Variants in DNMBP observed in about 807,000 individuals in gnomAD.
DNMBP encodes the protein dynamin-binding protein.
Under a neutral mutation model 150.0 loss-of-function variants are expected in DNMBP, and 87 were observed. That is an observed-to-expected ratio of 0.58 (90% confidence interval 0.49 to 0.69). The LOEUF is 0.69. DNMBP is among the 30% of genes least tolerant of loss of function. DNMBP has a pLI of 0.00. For synonymous variants in DNMBP, 711 were observed against 750.4 expected (o/e 0.95, Z 0.86); for missense variants, 1,774 against 1,949.0 (o/e 0.91, Z 1.69).
intron 4 of DNMBP, among the ~76,000 whole-genome samples, chr10:99,920,478 G>A (rs952521498): frequency 1.3e-5 from 2 of 152,210 alleles, no homozygotes; most frequent in African/African-American, 4.8e-5. Flanking sequence ...GACTTTTGGG[G>A]ATATATGTGG....
rs117327299 is a variant in DNMBP, at chr10:99,913,698, T to C, written c.2261-4552A>G. Reference sequence around the variant, plus strand: ...GACACCCCCAGCCCTTTCCGGTTAGTACATTATCACCAGGCTCACTTCCTA... The same window carrying C: ...GACACCCCCAGCCCTTTCCGGTTAGCACATTATCACCAGGCTCACTTCCTA... On this transcript the variant is annotated intron_variant, in intron 4 of 16. Coordinates refer to ENST00000324109, the MANE Select transcript of DNMBP (RefSeq NM_015221.4). Among the ~76,000 whole-genome samples, 333 of 152,164 alleles carry C rather than the reference T, an allele frequency of 2.2e-3. 11 individuals carry two copies. In the East Asian group the frequency reaches 0.058, roughly 27 times the overall value.
intron 11 of DNMBP, among the ~76,000 whole-genome samples, chr10:99,890,943 G>A (rs962020627): frequency 2.0e-5 from 3 of 151,992 alleles, no homozygotes; most frequent in South Asian, 2.1e-4. Context: ...AACTGTGCCC[G>A]GCCCTAGTTA....
intron 4 of DNMBP, among the ~76,000 whole-genome samples, chr10:99,920,443 A>C (rs1255150426): frequency 6.6e-6 from 1 of 152,046 alleles, no homozygotes; most frequent in African/African-American, 2.4e-5. Flanking sequence ...AAGTCACTTC[A>C]TTCCCCTATC....
At position 99,879,969 on chromosome 10, in the gene DNMBP, T is replaced by A; in HGVS notation, c.4390A>T (p.Arg1464Trp). The A allele has an allele frequency of 6.2e-7, 1 of 1,614,230 alleles. No homozygotes were observed. Among genetic ancestry groups the A allele is most frequent in the Non-Finnish European group, 8.5e-7 (1 of 1,180,042 alleles). The stretch of plus-strand genomic sequence containing the variant: ...GGATGCCTGAAGTTCCGGTAGCTCC[T>A]CGGCGTGGCAGTGGGTTGCTTTACA... ...RDVKQPTATP[R>W]SYRNFRHPEI... is the part of the protein sequence containing the mutation. The change falls in exon 16 of 17, where the codon AGG becomes TGG. Residue 1464 changes from arginine to tryptophan, a missense_variant. Arg to Trp is a moderately radical substitution (Grantham distance 101). Coordinates refer to ENST00000324109, the MANE Select transcript of DNMBP (RefSeq NM_015221.4).
intron 1 of DNMBP, among the ~76,000 whole-genome samples, chr10:99,980,683 T>C (rs61873792): frequency 0.027 from 4,157 of 151,254 alleles, 75 homozygotes; most frequent in South Asian, 0.088. Flanking sequence ...CAGGTGCCTA[T>C]AGTCTCAGCT....
chr10:99,886,425 G>A lies in DNMBP; in HGVS notation c.3493C>T (p.Leu1165=), dbSNP rs1309591239. Residue 1165 remains leucine, a synonymous_variant, in exon 13 of 17, where the codon CTG becomes TTG. Coordinates refer to ENST00000324109, the MANE Select transcript of DNMBP (RefSeq NM_015221.4). The stretch of plus-strand genomic sequence containing the variant: ...TGGTGGAACTTGGGCAGCTCATCCA[G>A]CAGCTGTGCATTCAGGGCCTCATAG... ...NNYEALNAQL[L]DELPKFHQYA... The A allele has an allele frequency of 1.2e-6, 2 of 1,614,196 alleles. No homozygotes were observed. The highest frequency in any genetic ancestry group is 4.5e-5 in the East Asian group (2 of 44,884).
In DNMBP at chr10:99,877,072, G is replaced by T; in HGVS notation, c.*79C>A. On this transcript the variant is annotated 3_prime_UTR_variant, in exon 17 of 17. Transcript: ENST00000324109. ...GACAGGGCCTGTGTCTCAGGAGCAG[G>T]CGCCCTCTCGGTGGGCCGCCAGAAC... is the stretch of plus-strand genomic sequence containing the variant. 1.5e-6 allele frequency: 2 copies of T among 1,338,584 alleles called. No homozygotes were observed. The highest frequency in any genetic ancestry group is 2.1e-6 in the Non-Finnish European group (2 of 970,268). The allele number at this position is 1,338,584 out of a possible 1,614,324, so 82.9% of individuals were successfully genotyped here.
Position 99,955,543 on chromosome 10 carries a change from G to A in DNMBP, c.1931C>T (p.Pro644Leu), listed in dbSNP as rs747937106. 3 of 1,598,674 alleles carry A rather than the reference G, an allele frequency of 1.9e-6. No individual in the cohort carries two copies. The highest frequency in any genetic ancestry group is 1.4e-5 in the African/African-American group (1 of 74,064). ...APPLVVRPSRPAPLPPSAQQR... is the reference protein window; with the variant it reads ...APPLVVRPSRLAPLPPSAQQR... Reference sequence around the variant, plus strand: ...CTGTGCTGAGGGAGGCAGGGGAGCTGGGCGAGAGGGTCGCACCACCAAGGG... The same window carrying A: ...CTGTGCTGAGGGAGGCAGGGGAGCTAGGCGAGAGGGTCGCACCACCAAGGG... Residue 644 changes from proline to leucine, a missense_variant, in exon 4 of 17, where the codon CCA (proline) becomes CTA (leucine). Transcript: ENST00000324109.
chr10:99,882,894 C>G (rs12570252), intron 15 of DNMBP, among the ~76,000 whole-genome samples: 1 of 151,662 alleles, frequency 6.6e-6, no homozygotes, highest in African/African-American at 2.4e-5. Context: ...GGTGAAACCC[C>G]GTCTCTACAA....
At chr10:99,919,420 C>G (rs953586334) in intron 4 of DNMBP, among the ~76,000 whole-genome samples, 2 of 152,216 alleles carry the variant, frequency 1.3e-5, no homozygotes, top group African/African-American at 4.8e-5. Flanking sequence ...CACTTGCTCT[C>G]ATAACATTTT....
intron 3 of DNMBP, among the ~76,000 whole-genome samples, chr10:99,964,205 C>T (rs547685822): frequency 3.0e-5 from 4 of 132,230 alleles, no homozygotes; most frequent in South Asian, 2.4e-4. Context: ...TGCAGTGGTG[C>T]GATCTCGGCT....
At chr10:99,952,403 T>G (rs116278007) in intron 4 of DNMBP, among the ~76,000 whole-genome samples, 63 of 152,326 alleles carry the variant, frequency 4.1e-4, no homozygotes, top group African/African-American at 1.4e-3. Flanking sequence ...CCCTCAGAAT[T>G]CTTTTTCAGG....
chr10:99,903,433 A>G (rs1328102057), intron 6 of DNMBP, among the ~76,000 whole-genome samples: 1 of 152,048 alleles, frequency 6.6e-6, no homozygotes, highest in Non-Finnish European at 1.5e-5. Context: ...CCTGAGCTCA[A>G]GCAATTCTCT....
chr10:99,898,856 A>G, intron 7 of DNMBP, 96 bp from the exon 8 acceptor site: 1 of 1,176,666 alleles, frequency 8.5e-7, no homozygotes, highest in Non-Finnish European at 1.2e-6. Context: ...ATGTGGGACA[A>G]AAAATTATGA....
At chr10:99,894,805 T>C in intron 11 of DNMBP, 141 bp downstream of exon 11, 1 of 619,786 alleles carries the variant, frequency 1.6e-6, no homozygotes. Context: ...CCTACTGGCA[T>C]CTCAACAAAA....
chr10:99,886,687 T>TTA (rs1273227494), intron 12 of DNMBP, 55 bp from the exon 13 acceptor site: 1 of 1,532,678 alleles, frequency 6.5e-7, no homozygotes, highest in Non-Finnish European at 8.9e-7. Context: ...ACATTTGTGA[T>TTA]TATCCAAGTC....
At chr10:99,944,079 T>A (rs1187092938) in intron 4 of DNMBP, among the ~76,000 whole-genome samples, 1 of 152,200 alleles carries the variant, frequency 6.6e-6, no homozygotes, top group Non-Finnish European at 1.5e-5. Context: ...CTCTGTAGTT[T>A]GGCATCCATT....
intron 1 of DNMBP, among the ~76,000 whole-genome samples, chr10:100,007,491 T>C (rs533683366): frequency 6.6e-6 from 1 of 152,246 alleles, no homozygotes; most frequent in East Asian, 1.9e-4. Context: ...AGTGAGAATG[T>C]GTTCAGTGAA....
intron 1 of DNMBP, among the ~76,000 whole-genome samples, chr10:100,008,771 G>A (rs185396711): frequency 3.0e-4 from 45 of 152,194 alleles, no homozygotes; most frequent in Non-Finnish European, 4.7e-4. Flanking sequence ...TCACCGTGTC[G>A]GTATTCATGC....
Sources: gnomAD v4.1 joint callset for allele counts (sites outside exome capture counted in the v4.1 genomes callset) on GRCh38, gnomAD v4.1.1 for gene constraint, MANE v1.5 for transcripts, NCBI Gene and HGNC (gene_info 2026-07-23, HGNC 2026-07-21) for gene names.